The following ANKRD11 variants were observed in gnomAD, a reference collection of about 807,000 sequenced individuals.
ANKRD11 encodes ankyrin repeat domain 11.
A neutral mutation model predicts 195.7 loss-of-function variants in ANKRD11; 17 were observed. The ratio of observed to expected loss-of-function variants is 0.09; its 90% CI spans 0.06 to 0.13. The LOEUF is 0.13. Among genes scored for constraint, ANKRD11 ranks in the 10% least tolerant of loss-of-function variants. The pLI is 1.00. For missense variants in ANKRD11, 3,735 were observed against 3,566.1 expected (o/e 1.05, Z -1.21); for synonymous variants, 1,953 against 1,528.1 (o/e 1.28, Z -6.49).
At chr16:89,466,993 T>C (rs532402739) in intron 1 of ANKRD11, among the ~76,000 whole-genome samples, 2 of 152,374 alleles carry the variant, frequency 1.3e-5, no homozygotes, top group South Asian at 4.1e-4. Flanking sequence ...TCTGGTGTGA[T>C]CTGAAAGGAG....
chr16:89,440,186 T>G (rs892709784), intron 1 of ANKRD11, among the ~76,000 whole-genome samples: 1 of 152,226 alleles, frequency 6.6e-6, no homozygotes, highest in African/African-American at 2.4e-5. Context: ...TTCACAGGAT[T>G]CTTCCTCCGG....
At chr16:89,483,082 G>A (rs544500158) in intron 1 of ANKRD11, among the ~76,000 whole-genome samples, 7 of 152,194 alleles carry the variant, frequency 4.6e-5, no homozygotes, top group Non-Finnish European at 8.8e-5. Flanking sequence ...ACAAGTCCCA[G>A]CACTTCTCCA....
chr16:89,280,127 G>A lies in ANKRD11; in HGVS notation c.6415C>T (p.Pro2139Ser), dbSNP rs1567557350. 1 of 1,612,386 alleles carries A rather than the reference G, an allele frequency of 6.2e-7. No individual in the cohort carries two copies. The highest frequency in any genetic ancestry group is 1.1e-5 in the South Asian group (1 of 90,986). ...TCTTTAGTCTGCAGGGGAAGCTCCG[G>A]CAGGGAGAAGGGCCCCAGGTCCAGG... ...DDLDLGPFSL[P>S]ELPLQTKDAA... The change falls in exon 9 of 13, where the codon CCG becomes TCG. Residue 2139 changes from proline to serine, a missense_variant. Coordinates refer to ENST00000301030, the MANE Select transcript of ANKRD11 (RefSeq NM_013275.6).
chr16:89,290,168 G>A (rs780274054), intron 6 of ANKRD11, among the ~76,000 whole-genome samples: 14 of 152,342 alleles, frequency 9.2e-5, no homozygotes, highest in Admixed American at 3.9e-4. Flanking sequence ...CAGAGCAGAC[G>A]CGCACCCCAC....
At chr16:89,322,820 T>C (rs569222567) in intron 2 of ANKRD11, among the ~76,000 whole-genome samples, 1 of 152,390 alleles carries the variant, frequency 6.6e-6, no homozygotes, top group Non-Finnish European at 1.5e-5. Flanking sequence ...ATGCTCCAGA[T>C]ACCTTAGCTT....
intron 2 of ANKRD11, among the ~76,000 whole-genome samples, chr16:89,369,328 G>C (rs528880436): frequency 1.1e-4 from 16 of 152,188 alleles, no homozygotes; most frequent in Non-Finnish European, 2.1e-4. Flanking sequence ...CGCTGCAAAG[G>C]GCCAAACAGA....
In ANKRD11 at chr16:89,284,047, C is replaced by T. The variant is rs892658703; in HGVS notation, c.2495G>A (p.Ser832Asn). Residue 832 changes from serine to asparagine, a missense_variant, in exon 9 of 13, where the codon AGC becomes AAC. Coordinates refer to ENST00000301030, the MANE Select transcript of ANKRD11 (RefSeq NM_013275.6). ...QFLENEDTKF[S>N]LSDDQRDRWF... ...CCGATCTCGCTGATCGTCAGAAAGG[C>T]TAAATTTGGTGTCTTCATTCTCCAG... is the stretch of plus-strand genomic sequence containing the variant. 5 of 1,614,016 alleles carry T rather than the reference C, an allele frequency of 3.1e-6. No individual in the cohort carries two copies. The African/African-American group carries it at 6.7e-5, about 22-fold the overall frequency.
intron 2 of ANKRD11, among the ~76,000 whole-genome samples, chr16:89,347,853 T>C (rs2152019699): frequency 6.6e-6 from 1 of 152,290 alleles, no homozygotes; most frequent in Non-Finnish European, 1.5e-5. Flanking sequence ...AGTGGGTGTT[T>C]CTCAGAACGT....
chr16:89,406,727 C>T (rs772812073), intron 2 of ANKRD11, among the ~76,000 whole-genome samples: 2 of 152,158 alleles, frequency 1.3e-5, no homozygotes, highest in Admixed American at 6.5e-5. Context: ...GACCTCAGTG[C>T]CTCCTTCACG....
At chr16:89,337,052 G>A (rs2151982611) in intron 2 of ANKRD11, among the ~76,000 whole-genome samples, 1 of 150,480 alleles carries the variant, frequency 6.6e-6, no homozygotes, top group African/African-American at 2.4e-5. Context: ...CAGGTGTGGT[G>A]GTGCACACCT....
chr16:89,418,227 A>C, intron 2 of ANKRD11, 57 bp downstream of exon 2: 1 of 448,770 alleles, frequency 2.2e-6, no homozygotes, highest in Non-Finnish European at 4.5e-6. Context: ...TTTGATACTT[A>C]TTTTTACAAA....
intron 2 of ANKRD11, among the ~76,000 whole-genome samples, chr16:89,412,792 A>C (rs2042151031): frequency 1.3e-5 from 2 of 152,216 alleles, no homozygotes; most frequent in African/African-American, 4.8e-5. Flanking sequence ...ACTGTAGTTA[A>C]CAAAAGAAAT....
chr16:89,467,288 A>G (rs974288134), intron 1 of ANKRD11, among the ~76,000 whole-genome samples: 2 of 151,334 alleles, frequency 1.3e-5, no homozygotes, highest in African/African-American at 4.8e-5. Flanking sequence ...AAACAGAAAG[A>G]TTAGCTGGCT....
At chr16:89,467,344 A>C (rs2056920600) in intron 1 of ANKRD11, among the ~76,000 whole-genome samples, 1 of 151,814 alleles carries the variant, frequency 6.6e-6, no homozygotes, top group South Asian at 2.1e-4. Flanking sequence ...TGAGAGGCTG[A>C]GGTGGGAAAA....
At chr16:89,432,996 TCTCA>T (rs1294122170) in intron 1 of ANKRD11, among the ~76,000 whole-genome samples, 2 of 145,952 alleles carry the variant, frequency 1.4e-5, no homozygotes, top group Admixed American at 6.8e-5. Flanking sequence ...CTCTCCTCTC[TCTCA>T]CACACACACA....
chr16:89,384,564 ACAGG>A (rs1291809255), intron 2 of ANKRD11, among the ~76,000 whole-genome samples: 3 of 151,434 alleles, frequency 2.0e-5, no homozygotes, highest in Non-Finnish European at 4.4e-5. Flanking sequence ...TGGGAATGGG[ACAGG>A]ATGGGACGGG....
At chr16:89,367,416 G>A (rs910264423) in intron 2 of ANKRD11, among the ~76,000 whole-genome samples, 3 of 152,160 alleles carry the variant, frequency 2.0e-5, no homozygotes, top group African/African-American at 7.2e-5. Flanking sequence ...AACCTTAGCC[G>A]GCAACTCAGG....
chr16:89,458,003 G>A (rs1463311949), intron 1 of ANKRD11, among the ~76,000 whole-genome samples: 3 of 152,004 alleles, frequency 2.0e-5, no homozygotes, highest in Non-Finnish European at 1.5e-5. Context: ...GAGCCCTGGA[G>A]ACCCCACACC....
intron 1 of ANKRD11, among the ~76,000 whole-genome samples, chr16:89,437,634 C>G (rs1386367730): frequency 6.6e-6 from 1 of 152,188 alleles, no homozygotes; most frequent in Non-Finnish European, 1.5e-5. Flanking sequence ...TTATGAAAGC[C>G]ATGGATTCAA....
Sources: allele counts gnomAD v4.1 joint callset (sites outside exome capture counted in the v4.1 genomes callset), GRCh38; gene constraint gnomAD v4.1.1; transcripts MANE v1.5; gene names NCBI Gene and HGNC (gene_info 2026-07-23, HGNC 2026-07-21).